The following MEFV variants were observed in gnomAD, a reference collection of about 807,000 sequenced individuals.
MEFV encodes MEFV innate immunity regulator, pyrin.
In MEFV, 60 loss-of-function variants were observed where a neutral mutation model predicts 62.5. That is an observed-to-expected ratio of 0.96 (90% CI 0.78 to 1.19). The LOEUF (loss-of-function observed/expected upper bound fraction) is 1.19, where lower values mean the gene tolerates loss of function less well. Among genes scored for constraint, MEFV ranks in the 50% most tolerant of loss-of-function variants. The pLI is 0.00. For missense variants in MEFV, 1,169 were observed against 1,004.5 expected (o/e 1.16, Z -2.21); for synonymous variants, 500 against 415.2 (o/e 1.20, Z -2.48).
In MEFV at chr16:3,242,651, C is replaced by T. The variant is rs571330189; in HGVS notation, c.*490G>A. The stretch of plus-strand genomic sequence containing the variant: ...TCGTGCCACTGCACTCCAGCCTGGG[C>T]CACAGAGCAAGATTTGGTCTCAAAA... On this transcript the variant is annotated 3_prime_UTR_variant, in exon 10 of 10. Coordinates refer to ENST00000219596, the MANE Select transcript of MEFV (RefSeq NM_000243.3). 7.6e-4 allele frequency: 158 copies of T among 206,822 alleles called. No individual in the cohort carries two copies. Among genetic ancestry groups the T allele is most frequent in the South Asian group, 1.6e-3 (27 of 16,456 alleles). 12.8% of individuals were successfully genotyped at this position (206,822 alleles called of 1,614,324 possible). A position where few individuals can be genotyped will look rare whatever the true frequency, so the allele number is the denominator to read the frequency against.
In MEFV at chr16:3,254,258, A is replaced by C. The variant is rs1451018233; in HGVS notation, c.810T>G (p.Asn270Lys). 1 of 1,614,260 alleles carries C rather than the reference A, an allele frequency of 6.2e-7. No individual in the cohort carries two copies. Among genetic ancestry groups the C allele is most frequent in the South Asian group, 1.1e-5 (1 of 91,090 alleles). ...LLTLEEKTAA[N>K]LDSATEPRAR... ...CCCGGGGTTCTGTTGCCGAGTCCAGATTCGCAGCTGTCTTTTCCTCTAGAG... is the reference window on the plus strand; with the variant it reads ...CCCGGGGTTCTGTTGCCGAGTCCAGCTTCGCAGCTGTCTTTTCCTCTAGAG... The change falls in exon 2 of 10, where the codon AAT (asparagine) becomes AAG (lysine). Residue 270 changes from asparagine (N) to lysine (K), a missense_variant. Asn to Lys is a moderately conservative substitution (Grantham distance 94, BLOSUM62 0). Transcript: ENST00000219596.
At position 3,248,864 on chromosome 16, in the gene MEFV, C is replaced by T. The variant is rs577334029; in HGVS notation, c.1356+45G>A. The stretch of plus-strand genomic sequence containing the variant: ...GGGGACCCCTGCTCACTCTTCCCAC[C>T]TTCCTCCCAGGGACGGATGGGCCAT... On this transcript the variant is annotated intron_variant, in intron 4 of 9. Transcript: ENST00000219596. 2.8e-5 allele frequency: 45 copies of T among 1,612,598 alleles called. 1 individual carries two copies. In the East Asian group the frequency reaches 8.9e-4, roughly 32 times the overall value.
At position 3,242,794 on chromosome 16, in the gene MEFV, G is replaced by T; in HGVS notation, c.*347C>A. On this transcript the variant is annotated 3_prime_UTR_variant, in exon 10 of 10. Coordinates refer to ENST00000219596, the MANE Select transcript of MEFV (RefSeq NM_000243.3). Reference sequence around the variant, plus strand: ...CTCAAGACAGAAGCAGAGAGAACAAGGGGACATATATCCTTGCCGTGGGGT... The same window carrying T: ...CTCAAGACAGAAGCAGAGAGAACAATGGGACATATATCCTTGCCGTGGGGT... The T allele has an allele frequency of 5.2e-6, 2 of 381,496 alleles. No individual in the cohort carries two copies. Among genetic ancestry groups the T allele is most frequent in the South Asian group, 4.6e-5 (2 of 43,926 alleles). The allele number at this position is 381,496 out of a possible 1,614,324, so 23.6% of individuals were successfully genotyped here. A position where few individuals can be genotyped will look rare whatever the true frequency, so the allele number is the denominator to read the frequency against.
intron 1 of MEFV, among the ~76,000 whole-genome samples, chr16:3,255,156 A>G (rs1959097781): frequency 6.6e-6 from 1 of 152,042 alleles, no homozygotes; most frequent in Non-Finnish European, 1.5e-5. Flanking sequence ...GTTCCTACTA[A>G]AAATAAGAAA....
intron 8 of MEFV, 95 bp from the exon 9 acceptor site, chr16:3,243,987 C>G (rs776826556): frequency 6.3e-7 from 1 of 1,576,362 alleles, no homozygotes; most frequent in Non-Finnish European, 8.6e-7. Flanking sequence ...AGACAAGGAA[C>G]CCCCTGCTTA....
chr16:3,243,682 A>G lies in MEFV; in HGVS notation c.1805T>C (p.Leu602Pro). The change falls in exon 10 of 10, where the codon CTG becomes CCG. Residue 602 changes from leucine to proline, a missense_variant. By Grantham distance (98) the Leu-to-Pro change is moderately conservative. Transcript: ENST00000219596. ...GTTGGGGTAAGCGGTTTCTGCATCCAGAATCACATTAACTGCAAAGAAAAT... is the reference window on the plus strand; with the variant it reads ...GTTGGGGTAAGCGGTTTCTGCATCCGGAATCACATTAACTGCAAAGAAAAT... The part of the protein sequence containing the change: ...GAQAHAVNVI[L>P]DAETAYPNLI... 1 of 1,609,606 alleles carries G rather than the reference A, an allele frequency of 6.2e-7. No individual in the cohort carries two copies.
At chr16:3,251,630 A>T (rs1463369509) in intron 2 of MEFV, among the ~76,000 whole-genome samples, 1 of 152,218 alleles carries the variant, frequency 6.6e-6, no homozygotes, top group Non-Finnish European at 1.5e-5. Flanking sequence ...GACTTTAGCC[A>T]ATAGGCTTTT....
At chr16:3,251,023 C>CAAAAAAAAAAAAAAAAAA (rs58529756) in intron 2 of MEFV, among the ~76,000 whole-genome samples, 2 of 49,378 alleles carry the variant, frequency 4.1e-5, no homozygotes, top group African/African-American at 1.3e-4. Flanking sequence ...GACTCCATCT[C>CAAAAAAAAAAAAAAAAAA]AAAAAAAAAA....
Position 3,242,500 on chromosome 16 carries a change from G to A in MEFV, c.*641C>T, listed in dbSNP as rs1301416970. On this transcript the variant is annotated 3_prime_UTR_variant, in exon 10 of 10. Coordinates refer to ENST00000219596, the MANE Select transcript of MEFV (RefSeq NM_000243.3). ...GCCTGGCTAACATGGTGAAACCCCC[G>A]TCTCTACTAAAAATACAAGAAAACC... 4.3e-5 allele frequency: 7 copies of A among 161,720 alleles called. No homozygotes were observed. The highest frequency in any genetic ancestry group is 8.2e-5 in the Non-Finnish European group (6 of 73,162). The allele number at this position is 161,720 out of a possible 1,614,324, so 10.0% of individuals were successfully genotyped here.
In MEFV at chr16:3,248,944, G is replaced by A. The variant is rs768066753; in HGVS notation, c.1321C>T (p.Arg441Ter). ...ACTGCCTTCTCCTCCCCATAGGATC[G>A]CTGCTCCTCCCCTGATTTTCTCAGC... ...KKLRKSGEEQ[R>*]SYGEEKAVSF... is the part of the protein sequence containing the mutation. Residue 441 changes from arginine to a stop codon, truncating the protein, a stop_gained, in exon 4 of 10, where the codon CGA becomes TGA. Transcript: ENST00000219596. LOFTEE classifies it high-confidence loss of function. The A allele has an allele frequency of 8.7e-6, 14 of 1,614,052 alleles. No homozygotes were observed. The highest frequency in any genetic ancestry group is 1.2e-5 in the Non-Finnish European group (14 of 1,180,024).
chr16:3,243,497 C>T lies in MEFV; in HGVS notation c.1990G>A (p.Ala664Thr). The T allele has an allele frequency of 1.2e-6, 2 of 1,614,128 alleles. No individual in the cohort carries two copies. Among genetic ancestry groups the T allele is most frequent in the Non-Finnish European group, 1.7e-6 (2 of 1,180,032 alleles). ...YWEVEVGDKT[A>T]WILGACKTSI... ...GTCTTGCAGGCTCCCAGGATCCATGCTGTCTTGTCTCCAACCTCCACCTCC... is the reference window on the plus strand; with the variant it reads ...GTCTTGCAGGCTCCCAGGATCCATGTTGTCTTGTCTCCAACCTCCACCTCC... Residue 664 changes from alanine to threonine, a missense_variant, in exon 10 of 10, where the codon GCA (alanine) becomes ACA (threonine). Coordinates refer to ENST00000219596, the MANE Select transcript of MEFV (RefSeq NM_000243.3).
chr16:3,256,164 G>A (rs1362282226), intron 1 of MEFV, 147 bp downstream of exon 1: 6 of 934,998 alleles, frequency 6.4e-6, no homozygotes, highest in Admixed American at 2.1e-5. Flanking sequence ...AGAAAGGGAC[G>A]TTCCTGAACT....
chr16:3,248,676 C>T, intron 4 of MEFV: 3 of 1,341,184 alleles, frequency 2.2e-6, no homozygotes. Context: ...CTACCATCTT[C>T]TGGTGAGTAT....
rs2141670967 is a variant in MEFV, at chr16:3,248,821, G to C, written c.1356+88C>G. On this transcript the variant is annotated intron_variant, in intron 4 of 9. Transcript: ENST00000219596. Reference sequence around the variant, plus strand: ...GAGGTGGCCATCCCTGCTGCCCTGTGAACCACAGCAGAATCTCGGGGACCC... The same window carrying C: ...GAGGTGGCCATCCCTGCTGCCCTGTCAACCACAGCAGAATCTCGGGGACCC... 4.4e-6 allele frequency: 7 copies of C among 1,606,082 alleles called. 1 individual carries two copies. In the East Asian group the frequency reaches 1.1e-4, roughly 26 times the overall value.
In MEFV at chr16:3,243,710, G is replaced by C. The variant is rs747964292; in HGVS notation, c.1793-16C>G. 30 of 1,610,576 alleles carry C rather than the reference G, an allele frequency of 1.9e-5. No individual in the cohort carries two copies. In the African/African-American group the frequency reaches 3.2e-4, roughly 17 times the overall value. ...ATCACATTAACTGCAAAGAAAATTTGAATACCTAGGTAGGGGTCCATGGGC... is the reference window on the plus strand; with the variant it reads ...ATCACATTAACTGCAAAGAAAATTTCAATACCTAGGTAGGGGTCCATGGGC... On this transcript the variant is annotated splice_polypyrimidine_tract_variant and intron_variant, in intron 9 of 9. Transcript: ENST00000219596.
intron 6 of MEFV, 74 bp from the exon 7 acceptor site, chr16:3,244,662 A>C: frequency 9.0e-7 from 1 of 1,115,190 alleles, no homozygotes; most frequent in Non-Finnish European, 1.4e-6. Context: ...GCTGGAAATG[A>C]ACTACATTCT....
chr16:3,243,374 G>C lies in MEFV; in HGVS notation c.2113C>G (p.Pro705Ala). The C allele has an allele frequency of 6.2e-7, 1 of 1,614,150 alleles. No homozygotes were observed. The highest frequency in any genetic ancestry group is 8.5e-7 in the Non-Finnish European group (1 of 1,180,040). The change falls in exon 10 of 10, where the codon CCC becomes GCC. Residue 705 changes from proline to alanine, a missense_variant. By Grantham distance (27) the Pro-to-Ala change is conservative. Transcript: ENST00000219596. ...KENEYQASSV[P>A]PTRLLIKEPP... is the part of the protein sequence containing the mutation. ...TCCTTTATTAGCAGGCGGGTCGGGG[G>C]AACGCTGGACGCCTGGTACTCATTT...
At position 3,249,474 on chromosome 16, in the gene MEFV, C is replaced by T. The variant is rs945231308; in HGVS notation, c.1217G>A (p.Gly406Asp). 1.2e-6 allele frequency: 2 copies of T among 1,613,996 alleles called. No individual in the cohort carries two copies. Among genetic ancestry groups the T allele is most frequent in the African/African-American group, 2.7e-5 (2 of 74,946 alleles). ...LICSLSQEHQ[G>D]HRVRPIEEVA... The stretch of plus-strand genomic sequence containing the variant: ...CTCCTCAATGGGGCGCACCCGGTGG[C>T]CTTGGTGCTCCTGACTCAGACTGCA... The change falls in exon 3 of 10, where the codon GGC (glycine) becomes GAC (aspartate). Residue 406 changes from glycine (G) to aspartate (D), a missense_variant. Coordinates refer to ENST00000219596, the MANE Select transcript of MEFV (RefSeq NM_000243.3).
intron 6 of MEFV, chr16:3,246,289 G>C: frequency 8.6e-6 from 5 of 580,810 alleles, no homozygotes; most frequent in African/African-American, 1.9e-5. Flanking sequence ...CAGCAGGATG[G>C]GCTGAATTCA....
Sources: allele counts gnomAD v4.1 joint callset (sites outside exome capture counted in the v4.1 genomes callset), GRCh38; gene constraint gnomAD v4.1.1; transcripts MANE v1.5; gene names NCBI Gene and HGNC (gene_info 2026-07-23, HGNC 2026-07-21).